MED12: variants seen among roughly 807,000 people sequenced by gnomAD.
MED12 encodes mediator complex subunit 12.
A neutral mutation model predicts 177.7 loss-of-function variants in MED12; 10 were observed. The observed-to-expected ratio is 0.06, with a 90% CI of 0.03 to 0.10. The LOEUF (loss-of-function observed/expected upper bound fraction) is 0.10, where lower values mean the gene tolerates loss of function less well. MED12 is among the 10% of genes least tolerant of loss of function. The probability of loss-of-function intolerance (pLI) is 1.00; values close to 1 mark genes in which losing one functional copy is unlikely to be tolerated. For synonymous variants in MED12, 641 were observed against 678.4 expected (o/e 0.94, Z 0.86); for missense variants, 867 against 1,780.8 (o/e 0.49, Z 9.23).
chrX:71,128,477 G>T, intron 23 of MED12, 37 bp downstream of exon 23: 1 of 1,210,503 alleles, frequency 8.3e-7, no homozygotes, highest in African/African-American at 1.7e-5. Flanking sequence ...GTGGGGCAGT[G>T]ACCAGGGCAG....
chrX:71,119,324 C>G (rs766339221), intron 1 of MED12, 49 bp from the exon 2 acceptor site: 3 of 956,173 alleles, frequency 3.1e-6, no homozygotes, highest in East Asian at 6.6e-5. Flanking sequence ...CCCACCCCTT[C>G]CCCCTTCCCC....
chrX:71,136,606 A>G lies in MED12; in HGVS notation c.5351A>G (p.Lys1784Arg). The G allele has an allele frequency of 8.3e-7, 1 of 1,207,893 alleles. No individual in the cohort carries two copies. The highest frequency in any genetic ancestry group is 3.0e-5 in the East Asian group (1 of 33,728). Residue 1784 changes from lysine to arginine, a missense_variant, in exon 37 of 45, where the codon AAG becomes AGG. Transcript: ENST00000374080. ...CCACCCAGTACTGAGGAACGCAAGA[A>G]GAAGTCCACCAAGGGCAAGAAACGC... Reference protein sequence around the residue: ...AAPPSTEERKKKSTKGKKRSQ... With the variant: ...AAPPSTEERKRKSTKGKKRSQ...
intron 1 of MED12, among the ~76,000 whole-genome samples, 187 bp downstream of exon 1, chrX:71,119,040 AGGG>A (rs1170629453): frequency 9.9e-6 from 1 of 100,709 alleles, no homozygotes; most frequent in Non-Finnish European, 2.0e-5. Context: ...AGGTATGAAT[AGGG>A]GGTGGTGTAG....
At position 71,136,358 on chromosome X, in the gene MED12, T is replaced by C. The variant is rs762801267; in HGVS notation, c.5103T>C (p.Ser1701=). The part of the protein sequence containing the change: ...FEGLKPSAPL[S]WGWFGTVRVD... The stretch of plus-strand genomic sequence containing the variant: ...GGTTGAAGCCGTCAGCACCACTCTC[T>C]TGGGGCTGGTTTGGAACAGTCCGAG... Residue 1701 remains serine, a synonymous_variant, in exon 37 of 45, where the codon TCT becomes TCC. Coordinates refer to ENST00000374080, the MANE Select transcript of MED12 (RefSeq NM_005120.3). 5.4e-5 allele frequency: 65 copies of C among 1,209,538 alleles called. No individual in the cohort carries two copies. Among genetic ancestry groups the C allele is most frequent in the South Asian group, 3.5e-4 (20 of 56,830 alleles).
chrX:71,137,521 T>C, intron 39 of MED12, 37 bp from the exon 40 acceptor site: 1 of 1,181,391 alleles, frequency 8.5e-7, no homozygotes, highest in Non-Finnish European at 1.1e-6. Context: ...GCAGCAAGCA[T>C]TTCCTGAGTT....
intron 41 of MED12, among the ~76,000 whole-genome samples, chrX:71,139,054 C>A (rs768800192): frequency 3.1e-4 from 35 of 111,865 alleles, no homozygotes; most frequent in South Asian, 1.1e-3. Context: ...GCAAAAAAAA[C>A]CCCCACGATA....
In MED12 at chrX:71,129,796, G is replaced by C. The variant is rs757500838; in HGVS notation, c.3808G>C (p.Val1270Leu). Residue 1270 changes from valine (V) to leucine (L), a missense_variant, in exon 27 of 45, where the codon GTG becomes CTG. Physicochemically the swap from Val to Leu is conservative, Grantham distance 32. This residue lies in a region of MED12 where 29 missense variants were observed against 31.3 expected (regional missense o/e 0.93). Coordinates refer to ENST00000374080, the MANE Select transcript of MED12 (RefSeq NM_005120.3). ...GRRQGGRNIS[V>L]ETASLDVYAK... ...GAGGCAGGGTGGCCGCAACATCTCT[G>C]TGGAGACAGCCAGTCTGGATGTCTA... The C allele has an allele frequency of 8.3e-7, 1 of 1,211,605 alleles. No homozygotes were observed. The highest frequency in any genetic ancestry group is 2.2e-5 in the Admixed American group (1 of 46,090).
chrX:71,126,599 G>C, intron 19 of MED12, 115 bp downstream of exon 19: 1 of 927,392 alleles, frequency 1.1e-6, no homozygotes, highest in Non-Finnish European at 1.5e-6. Context: ...TATTTGAAGG[G>C]GCAGAAAGAC....
chrX:71,140,661 C>G lies in MED12; in HGVS notation c.6071C>G (p.Thr2024Arg), dbSNP rs1278621663. Residue 2024 changes from threonine (T) to arginine (R), a missense_variant, in exon 42 of 45, where the codon ACA (threonine) becomes AGA (arginine). Around this residue, in one of 14 missense-constraint regions of MED12, gnomAD observed 236 missense variants for 345.2 expected, o/e 0.68. Transcript: ENST00000374080. ...QRFSHQTLQQ[T>R]PMISTMTPMS... ...TTTTCACACCAGACACTGCAGCAGA[C>G]ACCCATGATAAGTACCATGACTCCA... 1 of 1,210,899 alleles carries G rather than the reference C, an allele frequency of 8.3e-7. No individual in the cohort carries two copies. Among genetic ancestry groups the G allele is most frequent in the Non-Finnish European group, 1.1e-6 (1 of 895,279 alleles).
In MED12 at chrX:71,140,835, A is replaced by G; in HGVS notation, c.6245A>G (p.Gln2082Arg). Residue 2082 changes from glutamine to arginine, a missense_variant, in exon 42 of 45, where the codon CAG becomes CGG. Gln to Arg is a conservative substitution (Grantham distance 43). Transcript: ENST00000374080. ...QQQQQYHIRQQQQQQILRQQQ... is the reference protein window; with the variant it reads ...QQQQQYHIRQRQQQQILRQQQ... ...CAGCAGCAGTACCACATCCGGCAGC[A>G]GCAGCAGCAGCAGATCCTGCGGGTA... is the stretch of plus-strand genomic sequence containing the variant. 2 of 1,207,059 alleles carry G rather than the reference A, an allele frequency of 1.7e-6. No individual in the cohort carries two copies. The highest frequency in any genetic ancestry group is 2.2e-6 in the Non-Finnish European group (2 of 895,030).
At chrX:71,124,024 A>G (rs1185401936) in intron 12 of MED12, 135 bp from the exon 13 acceptor site, 4 of 584,273 alleles carry the variant, frequency 6.8e-6, no homozygotes, top group African/African-American at 4.5e-5. Context: ...GGGGTAACCA[A>G]CCACACTTTG....
intron 38 of MED12, 53 bp from the exon 39 acceptor site, chrX:71,137,134 A>T (rs1438207683): frequency 8.4e-7 from 1 of 1,196,117 alleles, no homozygotes; most frequent in Non-Finnish European, 1.1e-6. Flanking sequence ...AAGGACACTG[A>T]GCAAGAGACA....
rs1188464591 is a variant in MED12 at position 71,131,573 on chromosome X, C to T, written c.4071C>T (p.Arg1357=). Residue 1357 remains arginine (R), a synonymous_variant, in exon 29 of 45, where the codon CGC becomes CGT. Transcript: ENST00000374080. ...AGAACTTGGACCAGTGGACCATGCG[C>T]CAGTCTTCCTTGGAGCTGCAGCTCA... ...ILQNLDQWTM[R]QSSLELQLMI... is the part of the protein sequence containing the mutation. 1.7e-6 allele frequency: 2 copies of T among 1,210,950 alleles called. No homozygotes were observed. Among genetic ancestry groups the T allele is most frequent in the South Asian group, 3.5e-5 (2 of 56,920 alleles).
intron 4 of MED12, 63 bp from the exon 5 acceptor site, chrX:71,120,908 A>T (rs2092287785): frequency 8.5e-7 from 1 of 1,180,555 alleles, no homozygotes; most frequent in East Asian, 3.0e-5. Context: ...GCACCCAGCC[A>T]GTAGAAGGAT....
chrX:71,120,292 G>C, intron 4 of MED12, 122 bp downstream of exon 4: 6 of 811,082 alleles, frequency 7.4e-6, no homozygotes, highest in Non-Finnish European at 1.1e-5. Flanking sequence ...GCATTTGTTT[G>C]ATCAGTAAAC....
Position 71,136,463 on chromosome X carries a change from C to A in MED12, c.5208C>A (p.Ala1736=). 8.3e-7 allele frequency: 1 copy of A among 1,209,707 alleles called. No homozygotes were observed. Among genetic ancestry groups the A allele is most frequent in the South Asian group, 1.8e-5 (1 of 56,829 alleles). ...YHTHLRPRPR[A]YYLEPLPLPP... is the part of the protein sequence containing the mutation. ...CACACCTGAGGCCCCGGCCCCGCGC[C>A]TATTACCTGGAGCCACTGCCACTGC... Residue 1736 remains alanine, a synonymous_variant, in exon 37 of 45, where the codon GCC becomes GCA. Transcript: ENST00000374080.
In MED12 at chrX:71,140,690, A is replaced by C; in HGVS notation, c.6100A>C (p.Ser2034Arg). ...TPMISTMTPM[S>R]AQGVQAGVRS... ...CATGATAAGTACCATGACTCCAATG[A>C]GTGCCCAGGGCGTCCAGGCAGGCGT... Residue 2034 changes from serine to arginine, a missense_variant, in exon 42 of 45, where the codon AGT becomes CGT. By Grantham distance (110) the Ser-to-Arg change is moderately radical. Transcript: ENST00000374080. 1 of 1,210,087 alleles carries C rather than the reference A, an allele frequency of 8.3e-7. No homozygotes were observed. The highest frequency in any genetic ancestry group is 1.1e-6 in the Non-Finnish European group (1 of 895,139).
At chrX:71,126,193 C>A in intron 18 of MED12, 39 bp downstream of exon 18, 1 of 1,170,127 alleles carries the variant, frequency 8.5e-7, no homozygotes, top group Non-Finnish European at 1.2e-6. Flanking sequence ...ACATTCTGGC[C>A]TCCTGTTCTG....
Position 71,136,353 on chromosome X carries a change from C to A in MED12, c.5098C>A (p.Leu1700Ile). Residue 1700 changes from leucine to isoleucine, a missense_variant, in exon 37 of 45, where the codon CTC becomes ATC. Coordinates refer to ENST00000374080, the MANE Select transcript of MED12 (RefSeq NM_005120.3). ...TGAGGGGTTGAAGCCGTCAGCACCA[C>A]TCTCTTGGGGCTGGTTTGGAACAGT... ...LFEGLKPSAPLSWGWFGTVRV... is the reference protein window; with the variant it reads ...LFEGLKPSAPISWGWFGTVRV... 8.3e-7 allele frequency: 1 copy of A among 1,211,477 alleles called. No individual in the cohort carries two copies. Among genetic ancestry groups the A allele is most frequent in the Non-Finnish European group, 1.1e-6 (1 of 895,235 alleles).
Sources: gnomAD v4.1 joint callset for allele counts (sites outside exome capture counted in the v4.1 genomes callset) on GRCh38, gnomAD v4.1.1 for gene constraint, gnomAD v4.1.1 regional missense constraint, MANE v1.5 for transcripts, NCBI Gene and HGNC (gene_info 2026-07-23, HGNC 2026-07-21) for gene names.